The following ZNF45 variants were observed in gnomAD, a reference collection of about 807,000 sequenced individuals.
ZNF45 encodes the protein zinc finger protein 45.
In ZNF45, 4 loss-of-function variants were observed where a neutral mutation model predicts 12.0. That is an observed-to-expected ratio of 0.33 (90% CI 0.16 to 0.76). ZNF45 has a LOEUF of 0.76. Ranked by LOEUF, ZNF45 falls within the 30% of genes least tolerant of loss-of-function variation. The pLI, the probability that ZNF45 is intolerant of heterozygous loss-of-function variation, is 0.60. For synonymous variants in ZNF45, 272 were observed against 279.6 expected (o/e 0.97, Z 0.27); for missense variants, 700 against 813.0 (o/e 0.86, Z 1.69).
chr19:43,919,803 T>C (rs767821373), intron 7 of ZNF45, 104 bp from the exon 8 acceptor site: 40 of 1,272,354 alleles, frequency 3.1e-5, no homozygotes, highest in Non-Finnish European at 4.0e-5. Flanking sequence ...AGGTGTCAGA[T>C]TCTTAAGAGA....
chr19:43,917,073 C>G (rs17713001), intron 9 of ZNF45, among the ~76,000 whole-genome samples: 1 of 151,942 alleles, frequency 6.6e-6, no homozygotes, highest in Non-Finnish European at 1.5e-5. Context: ...CTATATAGAT[C>G]ACACCATTGT....
chr19:43,915,152 C>G lies in ZNF45; in HGVS notation c.284G>C (p.Arg95Thr), dbSNP rs1207741255. Reference sequence around the variant, plus strand: ...GAAAAGCTCTTCATGAGGCAGGTACCTTAATCCTACTTCTTGAAGAGTCTC... The same window carrying G: ...GAAAAGCTCTTCATGAGGCAGGTACGTTAATCCTACTTCTTGAAGAGTCTC... ...EMETLQEVGL[R>T]YLPHEELFCS... The change falls in exon 10 of 10, where the codon AGG (arginine) becomes ACG (threonine). Residue 95 changes from arginine (R) to threonine (T), a missense_variant. Arg to Thr is a moderately conservative substitution (Grantham distance 71). Coordinates refer to ENST00000269973, the MANE Select transcript of ZNF45 (RefSeq NM_003425.4). 1 of 1,546,552 alleles carries G rather than the reference C, an allele frequency of 6.5e-7. No individual in the cohort carries two copies. The highest frequency in any genetic ancestry group is 2.3e-5 in the East Asian group (1 of 44,302).
rs1376227627 is a variant in ZNF45 at position 43,924,393 on chromosome 19, G to A, written c.-106+9C>T. ...TGAGTGAATTTATGCAATGCCCTTGGCATAGTACCTGGCATTTTAGGGAGT... is the reference window on the plus strand; with the variant it reads ...TGAGTGAATTTATGCAATGCCCTTGACATAGTACCTGGCATTTTAGGGAGT... On this transcript the variant is annotated intron_variant, in intron 5 of 9. Coordinates refer to ENST00000269973, the MANE Select transcript of ZNF45 (RefSeq NM_003425.4). 4 of 152,186 alleles carry A rather than the reference G, an allele frequency of 2.6e-5. No individual in the cohort carries two copies. In the East Asian group the frequency reaches 5.8e-4, roughly 22 times the overall value. 9.4% of individuals were successfully genotyped at this position (152,186 alleles called of 1,614,324 possible).
chr19:43,925,285 A>G (rs886098842), intron 4 of ZNF45, 40 bp downstream of exon 4: 19 of 152,204 alleles, frequency 1.2e-4, no homozygotes, highest in African/African-American at 4.6e-4. Flanking sequence ...AGCCTATGGT[A>G]TTGTTTGTTA....
At chr19:43,918,519 A>C (rs1018607970) in intron 9 of ZNF45, among the ~76,000 whole-genome samples, 1 of 152,214 alleles carries the variant, frequency 6.6e-6, no homozygotes, top group African/African-American at 2.4e-5. Flanking sequence ...GGACGCAGCA[A>C]AGAAGGTGCT....
In ZNF45 at chr19:43,924,395, A is replaced by G. The variant is rs1027391859; in HGVS notation, c.-106+7T>C. ...AGTGAATTTATGCAATGCCCTTGGC[A>G]TAGTACCTGGCATTTTAGGGAGTTC... On this transcript the variant is annotated splice_region_variant and intron_variant, in intron 5 of 9. Transcript: ENST00000269973. The G allele has an allele frequency of 2.6e-5, 4 of 152,248 alleles. No homozygotes were observed. The allele number at this position is 152,248 out of a possible 1,614,324, so 9.4% of individuals were successfully genotyped here.
intron 9 of ZNF45, among the ~76,000 whole-genome samples, chr19:43,916,608 A>G (rs1382970455): frequency 2.6e-5 from 4 of 152,198 alleles, no homozygotes; most frequent in African/African-American, 9.7e-5. Context: ...AGCATTTTAT[A>G]TCATTCACCA....
chr19:43,929,463 C>G (rs1243206728), intron 3 of ZNF45, among the ~76,000 whole-genome samples: 5 of 152,220 alleles, frequency 3.3e-5, no homozygotes, highest in Non-Finnish European at 2.9e-5. Flanking sequence ...TCCCTGCAAG[C>G]AGCTTTCACC....
chr19:43,930,765 G>T (rs1181718200), intron 3 of ZNF45, among the ~76,000 whole-genome samples: 1 of 152,108 alleles, frequency 6.6e-6, no homozygotes. Flanking sequence ...AGCTATTCGT[G>T]TAATTTAAAT....
At chr19:43,923,340 G>A (rs1229075047) in intron 6 of ZNF45, among the ~76,000 whole-genome samples, 3 of 152,110 alleles carry the variant, frequency 2.0e-5, no homozygotes, top group Non-Finnish European at 2.9e-5. Flanking sequence ...GTACAGTGCA[G>A]TAAGATATTC....
intron 6 of ZNF45, among the ~76,000 whole-genome samples, chr19:43,923,285 GTGGTTTCAGT>G (rs1237585861): frequency 6.6e-6 from 1 of 152,112 alleles, no homozygotes; most frequent in Non-Finnish European, 1.5e-5. Flanking sequence ...TTTGCTTTCT[GTGGTTTCAGT>G]TACCTGAAGT....
At chr19:43,920,174 A>G (rs568623324) in intron 7 of ZNF45, among the ~76,000 whole-genome samples, 4 of 152,078 alleles carry the variant, frequency 2.6e-5, no homozygotes, top group Non-Finnish European at 2.9e-5. Flanking sequence ...GTAAGATCAT[A>G]TTTTCGTATA....
chr19:43,920,369 G>A (rs1002503856), intron 7 of ZNF45, among the ~76,000 whole-genome samples: 3 of 151,896 alleles, frequency 2.0e-5, no homozygotes, highest in African/African-American at 7.2e-5. Context: ...GTTCAGGAGT[G>A]TTTCTTAAAC....
intron 9 of ZNF45, among the ~76,000 whole-genome samples, chr19:43,917,693 C>T (rs906836071): frequency 6.6e-6 from 1 of 152,100 alleles, no homozygotes; most frequent in Non-Finnish European, 1.5e-5. Flanking sequence ...ACCATGTTGG[C>T]CAGGCTGGTC....
At position 43,913,788 on chromosome 19, in the gene ZNF45, G is replaced by T; in HGVS notation, c.1648C>A (p.His550Asn). 1 of 1,614,064 alleles carries T rather than the reference G, an allele frequency of 6.2e-7. No homozygotes were observed. Among genetic ancestry groups the T allele is most frequent in the Middle Eastern group, 1.6e-4 (1 of 6,062 alleles). The part of the protein sequence containing the change: ...GSQLQAHQRC[H>N]TGEKPYQCEE... Reference sequence around the variant, plus strand: ...CATTGATAGGGTTTCTCTCCAGTGTGGCACCTCTGATGGGCTTGAAGCTGT... The same window carrying T: ...CATTGATAGGGTTTCTCTCCAGTGTTGCACCTCTGATGGGCTTGAAGCTGT... Residue 550 changes from histidine to asparagine, a missense_variant, in exon 10 of 10, where the codon CAC (histidine) becomes AAC (asparagine). Transcript: ENST00000269973.
chr19:43,924,862 C>T lies in ZNF45; in HGVS notation c.-265-301G>A, dbSNP rs111387420. Reference sequence around the variant, plus strand: ...GTCAGTGAAAGTGACTAAGTATACACAAAACATGTGGAACAGTTTCTGGCA... The same window carrying T: ...GTCAGTGAAAGTGACTAAGTATACATAAAACATGTGGAACAGTTTCTGGCA... On this transcript the variant is annotated intron_variant, in intron 4 of 9. Transcript: ENST00000269973. 7.3e-5 allele frequency among the ~76,000 whole-genome samples: 11 copies of T among 151,088 alleles called. 1 individual carries two copies. The highest frequency in any genetic ancestry group is 2.4e-4 in the African/African-American group (10 of 41,322).
intron 9 of ZNF45, 22 bp from the exon 10 acceptor site, chr19:43,915,222 G>T: frequency 6.8e-7 from 1 of 1,473,768 alleles, no homozygotes. Flanking sequence ...AAGAAAATGT[G>T]GAGATGGGGC....
At chr19:43,920,750 G>A (rs993478958) in intron 7 of ZNF45, among the ~76,000 whole-genome samples, 7 of 151,614 alleles carry the variant, frequency 4.6e-5, no homozygotes, top group East Asian at 1.9e-4. Flanking sequence ...ACAGGCGTGC[G>A]CCACTATGCC....
intron 3 of ZNF45, among the ~76,000 whole-genome samples, chr19:43,925,814 G>C (rs1163367412): frequency 6.6e-6 from 1 of 152,006 alleles, no homozygotes; most frequent in African/African-American, 2.4e-5. Context: ...TGTTTTTTTA[G>C]TACAGATGAG....
Sources: allele counts gnomAD v4.1 joint callset (sites outside exome capture counted in the v4.1 genomes callset), GRCh38; gene constraint gnomAD v4.1.1; transcripts MANE v1.5; gene names NCBI Gene and HGNC (gene_info 2026-07-23, HGNC 2026-07-21).